Variants in PTCH1 observed in about 807,000 individuals in gnomAD.
PTCH1 encodes patched 1, also known as protein patched homolog 1.
In PTCH1, 14 loss-of-function variants were observed where a neutral mutation model predicts 144.6. The observed-to-expected ratio is 0.10, with a 90% CI of 0.06 to 0.15. PTCH1 has a LOEUF of 0.15. Ranked by LOEUF, PTCH1 falls within the 10% of genes least tolerant of loss-of-function variation. The pLI, the probability that PTCH1 is intolerant of heterozygous loss-of-function variation, is 1.00. For synonymous variants in PTCH1, 833 were observed against 793.6 expected (o/e 1.05, Z -0.83); for missense variants, 1,623 against 1,948.3 (o/e 0.83, Z 3.14).
Position 95,485,098 on chromosome 9 carries a change from T to C in PTCH1, c.584+587A>G, listed in dbSNP as rs556305440. Among the ~76,000 whole-genome samples, 7 of 152,002 alleles carry C rather than the reference T, an allele frequency of 4.6e-5. No individual in the cohort carries two copies. The South Asian group carries it at 1.5e-3, about 32-fold the overall frequency. ...GTGGGCGCCTCTAGCCCCAGCTCCT[T>C]GGGAAGCTGAGGCATGAGAATCGCT... is the stretch of plus-strand genomic sequence containing the variant. On this transcript the variant is annotated intron_variant, in intron 3 of 23. Coordinates refer to ENST00000331920, the MANE Select transcript of PTCH1 (RefSeq NM_000264.5).
intron 2 of PTCH1, among the ~76,000 whole-genome samples, chr9:95,503,065 CATA>C (rs1843268031): frequency 1.3e-5 from 2 of 152,170 alleles, no homozygotes; most frequent in Non-Finnish European, 2.9e-5. Context: ...CTTAAAATCT[CATA>C]CTTTCCTCTC....
intron 19 of PTCH1, among the ~76,000 whole-genome samples, chr9:95,455,845 C>T (rs1440338603): frequency 2.0e-5 from 3 of 152,210 alleles, no homozygotes; most frequent in African/African-American, 2.4e-5. Context: ...ATGCCATCCC[C>T]AAGCCTGTGA....
chr9:95,474,833 C>T (rs1840890376), intron 12 of PTCH1, among the ~76,000 whole-genome samples: 1 of 152,118 alleles, frequency 6.6e-6, no homozygotes, highest in Non-Finnish European at 1.5e-5. Context: ...TCTTCCTGCT[C>T]GCATCTGCAG....
Position 95,506,803 on chromosome 9 carries a change from G to C in PTCH1, c.202-204C>G, listed in dbSNP as rs1022321498. The C allele has an allele frequency of 6.3e-6, 7 of 1,108,456 alleles. No individual in the cohort carries two copies. The African/African-American group carries it at 9.9e-5, about 16-fold the overall frequency. 68.7% of individuals were successfully genotyped at this position (1,108,456 alleles called of 1,614,324 possible). Reference sequence around the variant, plus strand: ...GGTCATAAAGCCGGGCCGCAGCGTGGGAGCTGCACCTCGGGGACATCAGGG... The same window carrying C: ...GGTCATAAAGCCGGGCCGCAGCGTGCGAGCTGCACCTCGGGGACATCAGGG... On this transcript the variant is annotated intron_variant, in intron 1 of 23. Transcript: ENST00000331920.
In PTCH1 at chr9:95,499,989, G is replaced by C. The variant is rs1843041609; in HGVS notation, c.394+6418C>G. 2.0e-5 allele frequency among the ~76,000 whole-genome samples: 3 copies of C among 152,044 alleles called. 1 individual carries two copies. In the South Asian group the frequency reaches 6.2e-4, roughly 32 times the overall value. ...GAGTTTCAGCTTGCCCGAGTGGACA[G>C]AGCCCAGGGTCACAGGCAGGTCAGC... On this transcript the variant is annotated intron_variant, in intron 2 of 23. Transcript: ENST00000331920.
chr9:95,461,535 A>G (rs1377967208), intron 16 of PTCH1, among the ~76,000 whole-genome samples: 1 of 152,212 alleles, frequency 6.6e-6, no homozygotes, highest in Non-Finnish European at 1.5e-5. Context: ...AACTGAAAGA[A>G]TCACACGCCG....
chr9:95,499,997 G>A (rs1274553420), intron 2 of PTCH1, among the ~76,000 whole-genome samples: 2 of 152,128 alleles, frequency 1.3e-5, no homozygotes, highest in African/African-American at 2.4e-5. Flanking sequence ...CAGAGCCCAG[G>A]GTCACAGGCA....
At chr9:95,463,098 T>G (rs188596402) in intron 15 of PTCH1, among the ~76,000 whole-genome samples, 9 of 151,690 alleles carry the variant, frequency 5.9e-5, no homozygotes, top group Admixed American at 5.9e-4. Flanking sequence ...ATGTATGGGT[T>G]GGACACGGCT....
At chr9:95,516,390 C>G in intron 1 of PTCH1, 1 of 1,163,580 alleles carries the variant, frequency 8.6e-7, no homozygotes, top group Non-Finnish European at 1.1e-6. Context: ...GTCCCGCGTC[C>G]CCGTGTCCCC....
chr9:95,448,969 T>C, intron 22 of PTCH1, 100 bp downstream of exon 22: 5 of 1,516,290 alleles, frequency 3.3e-6, no homozygotes, highest in Non-Finnish European at 4.5e-6. Context: ...CCCATCTGCC[T>C]GTGTGATGTG....
chr9:95,456,724 A>G (rs1317191268), intron 18 of PTCH1, among the ~76,000 whole-genome samples: 1 of 152,154 alleles, frequency 6.6e-6, no homozygotes, highest in African/African-American at 2.4e-5. Context: ...TCCACGAGGA[A>G]TTGCACAAGC....
chr9:95,489,280 G>A (rs1564067350), intron 2 of PTCH1, among the ~76,000 whole-genome samples: 1 of 152,188 alleles, frequency 6.6e-6, no homozygotes, highest in Admixed American at 6.5e-5. Context: ...TTGAGCTCAG[G>A]AAGTCCCACA....
At chr9:95,503,228 G>A (rs1445556005) in intron 2 of PTCH1, 1 of 152,212 alleles carries the variant, frequency 6.6e-6, no homozygotes, top group African/African-American at 2.4e-5. Context: ...AGATTTCTTT[G>A]CTGATAGTGA....
intron 10 of PTCH1, 147 bp from the exon 11 acceptor site, chr9:95,477,004 C>T: frequency 1.3e-6 from 1 of 784,294 alleles, no homozygotes; most frequent in Admixed American, 2.0e-5. Flanking sequence ...ACTTGACGTC[C>T]CAAAGCCTAG....
At chr9:95,507,307 A>T (rs1208798203) in intron 1 of PTCH1, 22 of 985,332 alleles carry the variant, frequency 2.2e-5, no homozygotes, top group Non-Finnish European at 2.7e-5. Flanking sequence ...AACGTAAAAA[A>T]CAGCCGAGTG....
intron 2 of PTCH1, among the ~76,000 whole-genome samples, chr9:95,489,823 C>T (rs1485570405): frequency 3.5e-5 from 5 of 142,724 alleles, no homozygotes; most frequent in South Asian, 2.2e-4. Context: ...TTTTTTGTGA[C>T]GGAGTCTTGC....
In PTCH1 at chr9:95,447,308, G is replaced by A. The variant is rs778029634; in HGVS notation, c.3948C>T (p.Tyr1316=). ...PPREGLWPPP[Y]RPRRDAFEIS... Reference sequence around the variant, plus strand: ...TTTCAAAAGCGTCTCTGCGCGGTCTGTAGGGGGGTGGCCACAAGCCTTCTC... The same window carrying A: ...TTTCAAAAGCGTCTCTGCGCGGTCTATAGGGGGGTGGCCACAAGCCTTCTC... Residue 1316 remains tyrosine (Y), a synonymous_variant, in exon 23 of 24, where the codon TAC becomes TAT. Coordinates refer to ENST00000331920, the MANE Select transcript of PTCH1 (RefSeq NM_000264.5). The A allele has an allele frequency of 6.2e-6, 10 of 1,613,084 alleles. No homozygotes were observed. In the African/African-American group the frequency reaches 1.2e-4, roughly 19 times the overall value.
intron 23 of PTCH1, 195 bp downstream of exon 23, chr9:95,446,716 A>G: frequency 1.4e-6 from 1 of 698,454 alleles, no homozygotes; most frequent in Non-Finnish European, 2.5e-6. Context: ...AGCAGTGTGG[A>G]GCTGGACTGG....
intron 12 of PTCH1, among the ~76,000 whole-genome samples, chr9:95,475,170 G>A (rs1285701507): frequency 2.0e-5 from 3 of 152,160 alleles, no homozygotes; most frequent in Admixed American, 2.0e-4. Context: ...CAAGGGCAAC[G>A]TCAGTAATTT....
Sources: gnomAD v4.1 joint callset for allele counts (sites outside exome capture counted in the v4.1 genomes callset) on GRCh38, gnomAD v4.1.1 for gene constraint, MANE v1.5 for transcripts, NCBI Gene and HGNC (gene_info 2026-07-23, HGNC 2026-07-21) for gene names.